Variants in SLC5A9 observed in about 807,000 individuals in gnomAD.
SLC5A9 encodes the protein solute carrier family 5 member 9, also known as sodium/glucose cotransporter 4.
A neutral mutation model predicts 70.9 loss-of-function variants in SLC5A9; 59 were observed. The ratio of observed to expected loss-of-function variants is 0.83; its 90% CI spans 0.68 to 1.03. SLC5A9 has a LOEUF of 1.03. Among genes scored for constraint, SLC5A9 ranks in the 50% least tolerant of loss-of-function variants. The pLI is 0.00. For missense variants in SLC5A9, 832 were observed against 881.1 expected, an observed-to-expected ratio of 0.94 and a Z score of 0.71; for synonymous variants, 340 against 346.5, an observed-to-expected ratio of 0.98 and a Z score of 0.21.
chr1:48,241,905 A>G (rs1475572117), intron 12 of SLC5A9: 3 of 456,030 alleles, frequency 6.6e-6, no homozygotes, highest in Non-Finnish European at 8.8e-6. Flanking sequence ...TCAGTCAGTC[A>G]TGGTGTCCTG....
At chr1:48,242,728 C>A in intron 13 of SLC5A9, 112 bp downstream of exon 13, 1 of 1,049,848 alleles carries the variant, frequency 9.5e-7, no homozygotes, top group South Asian at 1.9e-5. Context: ...AAATATCACC[C>A]TAACTCCTTT....
intron 5 of SLC5A9, among the ~76,000 whole-genome samples, chr1:48,231,042 T>C (rs1273270856): frequency 6.6e-6 from 1 of 152,068 alleles, no homozygotes; most frequent in Non-Finnish European, 1.5e-5. Context: ...AGAGGAGGAC[T>C]ATGACCCAAG....
At chr1:48,242,408 C>A in intron 12 of SLC5A9, 49 bp from the exon 13 acceptor site, 1 of 1,538,552 alleles carries the variant, frequency 6.5e-7, no homozygotes. Context: ...TCTTCTACAG[C>A]ATGACTTCTC....
At chr1:48,237,150 G>A (rs899392811) in intron 10 of SLC5A9, among the ~76,000 whole-genome samples, 9 of 152,050 alleles carry the variant, frequency 5.9e-5, no homozygotes, top group Non-Finnish European at 8.8e-5. Context: ...TGGGGACTTA[G>A]GTCTGAGCCA....
intron 1 of SLC5A9, among the ~76,000 whole-genome samples, chr1:48,223,563 C>A (rs951340657): frequency 6.6e-6 from 1 of 152,154 alleles, no homozygotes; most frequent in African/African-American, 2.4e-5. Context: ...TACTGCAGCA[C>A]CTGGCACGGT....
At chr1:48,224,683 A>G (rs1164991426) in intron 1 of SLC5A9, 41 bp from the exon 2 acceptor site, 2 of 1,600,046 alleles carry the variant, frequency 1.2e-6, no homozygotes, top group African/African-American at 1.3e-5. Context: ...AGAGGTTCAG[A>G]GAGTCTTGAG....
intron 11 of SLC5A9, 88 bp downstream of exon 11, chr1:48,237,935 AT>A: frequency 3.6e-6 from 5 of 1,383,694 alleles, no homozygotes; most frequent in Non-Finnish European, 4.9e-6. Flanking sequence ...CCTTGAGAAA[AT>A]CCACTTCCCC....
At chr1:48,230,429 C>T (rs1223802929) in intron 4 of SLC5A9, among the ~76,000 whole-genome samples, 171 bp from the exon 5 acceptor site, 1 of 152,240 alleles carries the variant, frequency 6.6e-6, no homozygotes, top group Non-Finnish European at 1.5e-5. Flanking sequence ...CATGGCGCCT[C>T]AGTGTCTGCA....
At chr1:48,242,148 G>C in intron 12 of SLC5A9, 2 of 478,442 alleles carry the variant, frequency 4.2e-6, no homozygotes, top group Non-Finnish European at 8.0e-6. Context: ...TCAAGTGCCT[G>C]CCTCCCTGTC....
chr1:48,239,019 T>G lies in SLC5A9; in HGVS notation c.1462-303T>G, dbSNP rs1644361572. 6.6e-6 allele frequency among the ~76,000 whole-genome samples: 1 copy of G among 152,262 alleles called. No homozygotes were observed. The highest frequency in any genetic ancestry group is 2.4e-5 in the African/African-American group (1 of 41,464). The stretch of plus-strand genomic sequence containing the variant: ...AGTACTGATTTAATTTTATGAATTT[T>G]TAAATTACTGCCCCCAATAAGAAAA... On this transcript the variant is annotated intron_variant, in intron 11 of 13. Coordinates refer to ENST00000438567, the MANE Select transcript of SLC5A9 (RefSeq NM_001011547.3). The surrounding 1 kb of genome is among the most constrained non-coding windows in gnomAD (Gnocchi z 4.2).
At position 48,228,954 on chromosome 1, in the gene SLC5A9, C is replaced by T. The variant is rs761673642; in HGVS notation, c.339C>T (p.Asn113=). ...TTGCCGTAGGTGGCTTCGAGTGGAA[C>T]GTAAGGAAGCTGGCCTGGTTTCTCC... is the stretch of plus-strand genomic sequence containing the variant. ...GGLAVGGFEW[N]ATWLLLALGW... The change falls in exon 3 of 14, where the codon AAC becomes AAT. Residue 113 remains asparagine, a splice_region_variant and synonymous_variant. Coordinates refer to ENST00000438567, the MANE Select transcript of SLC5A9 (RefSeq NM_001011547.3). 11 of 1,613,122 alleles carry T rather than the reference C, an allele frequency of 6.8e-6. No homozygotes were observed. Among genetic ancestry groups the T allele is most frequent in the African/African-American group, 2.7e-5 (2 of 74,858 alleles).
At chr1:48,230,104 G>T (rs1282326996) in intron 4 of SLC5A9, among the ~76,000 whole-genome samples, 1 of 152,216 alleles carries the variant, frequency 6.6e-6, no homozygotes, top group Non-Finnish European at 1.5e-5. Flanking sequence ...ATAAGCCCAT[G>T]TCTGCTAATA....
At chr1:48,227,522 A>C (rs1569817387) in intron 2 of SLC5A9, among the ~76,000 whole-genome samples, 1 of 116,660 alleles carries the variant, frequency 8.6e-6, no homozygotes, top group Non-Finnish European at 1.7e-5. Context: ...TAATTGCATG[A>C]GTGTGTGTGT....
At chr1:48,234,603 A>G (rs1644301580) in intron 9 of SLC5A9, among the ~76,000 whole-genome samples, 2 of 152,168 alleles carry the variant, frequency 1.3e-5, no homozygotes, top group Admixed American at 1.3e-4. Context: ...ATAGACAGAG[A>G]AATCCAAGAA....
At chr1:48,245,003 T>C (rs939071919) in intron 13 of SLC5A9, among the ~76,000 whole-genome samples, 1 of 142,754 alleles carries the variant, frequency 7.0e-6, no homozygotes, top group African/African-American at 2.6e-5. Flanking sequence ...AATGAAATGC[T>C]GAATTCATAT....
chr1:48,233,846 A>T (rs773851903), intron 9 of SLC5A9, 84 bp downstream of exon 9: 1 of 957,340 alleles, frequency 1.0e-6, no homozygotes, highest in Non-Finnish European at 1.7e-6. Flanking sequence ...AGGCACTAAC[A>T]TGGATGGGAA....
At chr1:48,226,520 ACCTGGGT>A (rs2148562891) in intron 2 of SLC5A9, among the ~76,000 whole-genome samples, 1 of 152,264 alleles carries the variant, frequency 6.6e-6, no homozygotes, top group African/African-American at 2.4e-5. Flanking sequence ...TGCACCTGAG[ACCTGGGT>A]CCTGCCTGAG....
chr1:48,227,036 TTG>T (rs752452842), intron 2 of SLC5A9, among the ~76,000 whole-genome samples: 16 of 151,326 alleles, frequency 1.1e-4, no homozygotes, highest in Non-Finnish European at 2.2e-4. Flanking sequence ...ATGAGTGTGC[TTG>T]TGTGTGTGTG....
At chr1:48,241,862 A>G (rs1188613707) in intron 12 of SLC5A9, 4 of 453,238 alleles carry the variant, frequency 8.8e-6, no homozygotes, top group Non-Finnish European at 1.8e-5. Flanking sequence ...CTGGAGCCAT[A>G]TTAGCCTCTC....
Sources: allele counts gnomAD v4.1 joint callset (sites outside exome capture counted in the v4.1 genomes callset), GRCh38; gene constraint gnomAD v4.1.1; non-coding constraint Gnocchi (gnomAD v3.1); transcripts MANE v1.5; gene names NCBI Gene and HGNC (gene_info 2026-07-23, HGNC 2026-07-21).